The following MRPL38 variants were observed in gnomAD, a reference collection of about 807,000 sequenced individuals.
The protein encoded by MRPL38 is mitochondrial ribosomal protein L38, also known as large ribosomal subunit protein mL38.
In MRPL38, 51 loss-of-function variants were observed where a neutral mutation model predicts 52.1. That is an observed-to-expected ratio of 0.98 (90% confidence interval 0.78 to 1.24). MRPL38 has a LOEUF of 1.24. Ranked by LOEUF, MRPL38 falls within the 50% of genes most tolerant of loss-of-function variation. The pLI, the probability that MRPL38 is intolerant of heterozygous loss-of-function variation, is 0.00. For missense variants in MRPL38, 527 were observed against 518.6 expected, an observed-to-expected ratio of 1.02 and a Z score of -0.16; for synonymous variants, 245 against 212.7, an observed-to-expected ratio of 1.15 and a Z score of -1.32.
chr17:75,903,314 C>T (rs1451911065), intron 2 of MRPL38, among the ~76,000 whole-genome samples: 1 of 152,196 alleles, frequency 6.6e-6, no homozygotes, highest in Non-Finnish European at 1.5e-5. Context: ...GAGGCAGAAG[C>T]AGGAAAATCG....
rs2065419064 is a variant in MRPL38, at chr17:75,904,442, A to G, written c.247+98T>C. On this transcript the variant is annotated intron_variant, in intron 2 of 8. Coordinates refer to ENST00000309352, the MANE Select transcript of MRPL38 (RefSeq NM_032478.4). Reference sequence around the variant, plus strand: ...CCTCCCAGCGTCCCCAGCATCCACAAGGGCGCCGGCAAGGCTCGCCCAGCG... The same window carrying G: ...CCTCCCAGCGTCCCCAGCATCCACAGGGGCGCCGGCAAGGCTCGCCCAGCG... 26 of 1,321,072 alleles carry G rather than the reference A, an allele frequency of 2.0e-5. No individual in the cohort carries two copies. The South Asian group carries it at 3.6e-4, about 18-fold the overall frequency. 81.8% of individuals were successfully genotyped at this position (1,321,072 alleles called of 1,614,324 possible).
intron 7 of MRPL38, 47 bp downstream of exon 7, chr17:75,899,469 A>G (rs1346137450): frequency 6.5e-7 from 1 of 1,545,684 alleles, no homozygotes; most frequent in South Asian, 1.2e-5. Context: ...TGACCGTTCC[A>G]GGGGAGCTGG....
Position 75,898,991 on chromosome 17 carries a change from A to G in MRPL38, c.1007-5T>C, listed in dbSNP as rs761480317. On this transcript the variant is annotated splice_region_variant and splice_polypyrimidine_tract_variant and intron_variant, in intron 8 of 8. Coordinates refer to ENST00000309352, the MANE Select transcript of MRPL38 (RefSeq NM_032478.4). ...CAAACACCGGCTCCCGCATGTCTGC[A>G]AGAAGAGTGAGGGGTACGGGGTGGT... The G allele has an allele frequency of 1.9e-6, 3 of 1,591,950 alleles. No individual in the cohort carries two copies. The highest frequency in any genetic ancestry group is 2.7e-5 in the African/African-American group (2 of 74,778).
In MRPL38 at chr17:75,904,864, G is replaced by C; in HGVS notation, c.12C>G (p.Pro4=). The C allele has an allele frequency of 1.3e-6, 2 of 1,512,218 alleles. No homozygotes were observed. Among genetic ancestry groups the C allele is most frequent in the Non-Finnish European group, 1.8e-6 (2 of 1,136,176 alleles). The allele number at this position is 1,512,218 out of a possible 1,614,324, so 93.7% of individuals were successfully genotyped here. Residue 4 remains proline (P), a synonymous_variant, in exon 1 of 9, where the codon CCC becomes CCG. Transcript: ENST00000309352. The part of the protein sequence containing the change: MAA[P]WWRAALCECR... The stretch of plus-strand genomic sequence containing the variant: ...ACTCGCACAGCGCGGCTCGCCACCA[G>C]GGCGCCGCCATCTTCCCTCCGGCCT...
intron 2 of MRPL38, among the ~76,000 whole-genome samples, chr17:75,903,435 G>A (rs556498618): frequency 6.6e-6 from 1 of 152,194 alleles, no homozygotes; most frequent in Non-Finnish European, 1.5e-5. Context: ...TAATAATAAC[G>A]AAAACATACT....
chr17:75,899,448 C>T (rs2144129879), intron 7 of MRPL38, 68 bp downstream of exon 7: 2 of 1,526,782 alleles, frequency 1.3e-6, no homozygotes, highest in East Asian at 2.3e-5. Context: ...CAAGAGAGAA[C>T]TGAGCAAGAG....
chr17:75,903,188 C>T (rs1466592652), intron 2 of MRPL38, among the ~76,000 whole-genome samples: 2 of 152,192 alleles, frequency 1.3e-5, no homozygotes, highest in African/African-American at 4.8e-5. Context: ...GCAGGGGGAT[C>T]ACTTGAGGTC....
Position 75,899,532 on chromosome 17 carries a change from CGTCCT to C in MRPL38, c.848_852del (p.Glu283GlyfsTer18), listed in dbSNP as rs1193300632. 2 of 1,589,828 alleles carry C rather than the reference CGTCCT, an allele frequency of 1.3e-6. No individual in the cohort carries two copies. The highest frequency in any genetic ancestry group is 1.7e-6 in the Non-Finnish European group (2 of 1,164,722). ...GTAGATTACCAGGGTGAGGGGCGTG[CGTCCT>C]CAGAGAAGTCAATCGGCTGGTCCTG... On this transcript the variant is annotated frameshift_variant, in exon 7 of 9. Transcript: ENST00000309352. LOFTEE classifies it high-confidence loss of function.
intron 1 of MRPL38, 41 bp downstream of exon 1, chr17:75,904,768 C>CCGGGGGGGGGG: frequency 9.5e-6 from 10 of 1,056,324 alleles, no homozygotes; most frequent in African/African-American, 2.3e-5. Flanking sequence ...GCTCGGGCGA[C>CCGGGGGGGGGG]AGCCCCCCCC....
Position 75,903,095 on chromosome 17 carries a change from T to G in MRPL38, c.248-941A>C, listed in dbSNP as rs137866918. Among the ~76,000 whole-genome samples the G allele has an allele frequency of 1.8e-3, 281 of 152,300 alleles. 1 individual carries two copies. The highest frequency in any genetic ancestry group is 6.3e-3 in the African/African-American group (261 of 41,568). ...AGCTGTCCTAGGTAGAGTGAATGACTGATGCTAGAAGGACTTATAGAAGTG... is the reference window on the plus strand; with the variant it reads ...AGCTGTCCTAGGTAGAGTGAATGACGGATGCTAGAAGGACTTATAGAAGTG... On this transcript the variant is annotated intron_variant, in intron 2 of 8. Transcript: ENST00000309352.
chr17:75,902,300 T>G, intron 2 of MRPL38, 146 bp from the exon 3 acceptor site: 80 of 871,028 alleles, frequency 9.2e-5, no homozygotes, highest in Non-Finnish European at 1.3e-4. Context: ...GACAGGGTTT[T>G]GCCACATTGC....
At position 75,899,239 on chromosome 17, in the gene MRPL38, C is replaced by A; in HGVS notation, c.925G>T (p.Glu309Ter). The change falls in exon 8 of 9, where the codon GAA (glutamate) becomes TAA (stop). Residue 309 changes from glutamate to a stop codon, truncating the protein, a stop_gained. Transcript: ENST00000309352. LOFTEE classifies it high-confidence loss of function. ...GACAAGCCGGCTGGAGTCATGGTTT[C>A]TTGGTGTTTCTTGTAGAAATCAAAA... ...RTFDFYKKHQ[E>*]TMTPAGLSFF... 1 of 1,611,792 alleles carries A rather than the reference C, an allele frequency of 6.2e-7. No homozygotes were observed. The highest frequency in any genetic ancestry group is 2.2e-5 in the East Asian group (1 of 44,842).
At chr17:75,904,787 C>T in intron 1 of MRPL38, 22 bp downstream of exon 1, 1 of 1,296,778 alleles carries the variant, frequency 7.7e-7, no homozygotes, top group Non-Finnish European at 9.9e-7. Flanking sequence ...CCCCCCCCCC[C>T]GCAGAGCTGC....
rs539266346 is a variant in MRPL38, at chr17:75,904,280, G to C, written c.247+260C>G. On this transcript the variant is annotated intron_variant, in intron 2 of 8. Coordinates refer to ENST00000309352, the MANE Select transcript of MRPL38 (RefSeq NM_032478.4). The stretch of plus-strand genomic sequence containing the variant: ...CCAATCCGGAAAGTCAGGTGGTCAA[G>C]ATTTTAGGAGCAAATATTTTAGGAG... 66 of 650,838 alleles carry C rather than the reference G, an allele frequency of 1.0e-4. No individual in the cohort carries two copies. The East Asian group carries it at 1.6e-3, about 16-fold the overall frequency. The allele number at this position is 650,838 out of a possible 1,614,324, so 40.3% of individuals were successfully genotyped here.
At chr17:75,904,769 A>AG in intron 1 of MRPL38, 40 bp downstream of exon 1, 2 of 454,470 alleles carry the variant, frequency 4.4e-6, no homozygotes, top group Non-Finnish European at 6.7e-6. Context: ...CTCGGGCGAC[A>AG]GCCCCCCCCC....
Position 75,904,860 on chromosome 17 carries a change from A to C in MRPL38, c.16T>G (p.Trp6Gly). Residue 6 changes from tryptophan to glycine, a missense_variant, in exon 1 of 9, where the codon TGG (tryptophan) becomes GGG (glycine). Transcript: ENST00000309352. MAAPW[W>G]RAALCECRRW... The stretch of plus-strand genomic sequence containing the variant: ...CGACACTCGCACAGCGCGGCTCGCC[A>C]CCAGGGCGCCGCCATCTTCCCTCCG... 2 of 1,473,346 alleles carry C rather than the reference A, an allele frequency of 1.4e-6. No homozygotes were observed. The highest frequency in any genetic ancestry group is 4.4e-5 in the Admixed American group (2 of 45,848). 91.3% of individuals were successfully genotyped at this position (1,473,346 alleles called of 1,614,324 possible). A position where few individuals can be genotyped will look rare whatever the true frequency, so the allele number is the denominator to read the frequency against.
chr17:75,898,949 G>A lies in MRPL38; in HGVS notation c.1044C>T (p.Pro348=). ...AGCGCTTCTGCTTGGGGTGGTAAGG[G>A]GGCGGCCGCACGAACTCAAACACCG... ...REPVFEFVRP[P]PYHPKQKRFP... is the part of the protein sequence containing the mutation. Residue 348 remains proline, a synonymous_variant, in exon 9 of 9, where the codon CCC becomes CCT. Coordinates refer to ENST00000309352, the MANE Select transcript of MRPL38 (RefSeq NM_032478.4). The A allele has an allele frequency of 6.2e-7, 1 of 1,606,792 alleles. No homozygotes were observed. Among genetic ancestry groups the A allele is most frequent in the Non-Finnish European group, 8.5e-7 (1 of 1,177,892 alleles).
chr17:75,904,767 A>AC, intron 1 of MRPL38, 42 bp downstream of exon 1: 1 of 665,820 alleles, frequency 1.5e-6, no homozygotes, highest in Non-Finnish European at 2.2e-6. Context: ...AGCTCGGGCG[A>AC]CAGCCCCCCC....
At position 75,904,564 on chromosome 17, in the gene MRPL38, G is replaced by A; in HGVS notation, c.223C>T (p.Arg75Ter). The A allele has an allele frequency of 6.4e-7, 1 of 1,572,268 alleles. No homozygotes were observed. The highest frequency in any genetic ancestry group is 8.6e-7 in the Non-Finnish European group (1 of 1,169,010). The change falls in exon 2 of 9, where the codon CGA becomes TGA. Residue 75 changes from arginine to a stop codon, truncating the protein, a stop_gained. Coordinates refer to ENST00000309352, the MANE Select transcript of MRPL38 (RefSeq NM_032478.4). LOFTEE classifies it high-confidence loss of function. Reference protein sequence around the residue: ...AQAPHWWRTYREYFGEKTDPK... With the variant: ...AQAPHWWRTY The stretch of plus-strand genomic sequence containing the variant: ...CCTGTCTTCTCCCCGAAATACTCTC[G>A]GTAGGTCCGCCACCAGTGCGGGGCC...
Sources: allele counts gnomAD v4.1 joint callset (sites outside exome capture counted in the v4.1 genomes callset), GRCh38; gene constraint gnomAD v4.1.1; transcripts MANE v1.5; gene names NCBI Gene and HGNC (gene_info 2026-07-23, HGNC 2026-07-21).